Variants in LTBP1 observed in about 807,000 individuals in gnomAD.
LTBP1 encodes the protein latent transforming growth factor beta binding protein 1.
A neutral mutation model predicts 207.6 loss-of-function variants in LTBP1; 129 were observed. That is an observed-to-expected ratio of 0.62 (90% confidence interval 0.54 to 0.72). The LOEUF (loss-of-function observed/expected upper bound fraction) is 0.72, where lower values mean the gene tolerates loss of function less well. Ranked by LOEUF, LTBP1 falls within the 30% of genes least tolerant of loss-of-function variation. The pLI is 0.00. For missense variants in LTBP1, 2,281 were observed against 2,217.2 expected (o/e 1.03, Z -0.58); for synonymous variants, 963 against 833.7 (o/e 1.16, Z -2.67).
chr2:33,034,143 T>C (rs1453617937), intron 3 of LTBP1, among the ~76,000 whole-genome samples: 1 of 151,974 alleles, frequency 6.6e-6, no homozygotes, highest in Non-Finnish European at 1.5e-5. Context: ...AGCAGCGTTC[T>C]GGATTGTTTT....
rs2290426 is a variant in LTBP1, at chr2:33,347,285, A to G, written c.3857-82A>G. The G allele has an allele frequency of 0.014, 21,775 of 1,534,406 alleles. 1,532 individuals are homozygous for G. The East Asian group carries it at 0.22, about 15-fold the overall frequency. ...ATCGCCTTCTTTTCAGCAAGACACT[A>G]TTAGCCCTGGCACAGCTGGTAAAAT... On this transcript the variant is annotated intron_variant, in intron 25 of 33. Transcript: ENST00000404816.
At chr2:33,353,728 GA>G (rs1169850180) in intron 26 of LTBP1, among the ~76,000 whole-genome samples, 2 of 151,778 alleles carry the variant, frequency 1.3e-5, no homozygotes, top group South Asian at 4.1e-4. Flanking sequence ...TAAATTAAAA[GA>G]AAAAAAGAAC....
intron 33 of LTBP1, among the ~76,000 whole-genome samples, chr2:33,397,673 AATT>A (rs2095371853): frequency 1.1e-5 from 1 of 92,238 alleles, no homozygotes; most frequent in African/African-American, 4.2e-5. Flanking sequence ...ACACCCGGCT[AATT>A]TTTTTTTTTT....
intron 19 of LTBP1, among the ~76,000 whole-genome samples, chr2:33,284,018 T>C (rs1328763019): frequency 6.6e-6 from 1 of 152,242 alleles, no homozygotes; most frequent in Non-Finnish European, 1.5e-5. Flanking sequence ...TCTCTTTCTA[T>C]TGAATGACTT....
At chr2:33,299,890 TG>T in intron 20 of LTBP1, among the ~76,000 whole-genome samples, 1 of 152,326 alleles carries the variant, frequency 6.6e-6, no homozygotes, top group East Asian at 1.9e-4. Context: ...CTTTCTCCTT[TG>T]GTATTCAGCA....
chr2:33,268,230 T>C (rs1465007631), intron 15 of LTBP1, among the ~76,000 whole-genome samples: 1 of 152,232 alleles, frequency 6.6e-6, no homozygotes, highest in African/African-American at 2.4e-5. Context: ...CGGTTTCATA[T>C]GGGAGCCAAA....
chr2:33,122,522 C>G (rs2150407868), intron 4 of LTBP1, among the ~76,000 whole-genome samples: 1 of 152,300 alleles, frequency 6.6e-6, no homozygotes, highest in East Asian at 1.9e-4. Context: ...CTTTCCCAAA[C>G]AGGGATGATG....
chr2:33,360,813 T>C (rs758255968), intron 27 of LTBP1, 34 bp downstream of exon 27: 1 of 1,600,390 alleles, frequency 6.2e-7, no homozygotes, highest in South Asian at 1.1e-5. Context: ...GTCACACTTG[T>C]GTTTGGTCAC....
At chr2:33,151,197 T>C (rs2083493719) in intron 5 of LTBP1, among the ~76,000 whole-genome samples, 2 of 152,224 alleles carry the variant, frequency 1.3e-5, no homozygotes, top group Admixed American at 6.5e-5. Context: ...TTGAAAATAA[T>C]GTTGCTATGA....
At chr2:33,004,314 C>T (rs1362569903) in intron 2 of LTBP1, among the ~76,000 whole-genome samples, 3 of 151,990 alleles carry the variant, frequency 2.0e-5, no homozygotes, top group Admixed American at 6.6e-5. Context: ...TAAGCTTTGG[C>T]CACACTTTGG....
At chr2:33,380,599 A>G (rs978808579) in intron 31 of LTBP1, among the ~76,000 whole-genome samples, 1 of 152,166 alleles carries the variant, frequency 6.6e-6, no homozygotes, top group Admixed American at 6.5e-5. Flanking sequence ...TCTGTTTAAA[A>G]TCATAGAATA....
intron 15 of LTBP1, 76 bp downstream of exon 15, chr2:33,263,468 A>T: frequency 9.5e-7 from 1 of 1,057,502 alleles, no homozygotes; most frequent in Non-Finnish European, 1.4e-6. Flanking sequence ...TGTAGTATCC[A>T]TTATATAAGC....
intron 2 of LTBP1, among the ~76,000 whole-genome samples, chr2:32,975,433 G>T (rs1290726350): frequency 1.3e-5 from 2 of 151,970 alleles, no homozygotes; most frequent in African/African-American, 4.8e-5. Flanking sequence ...GTCTAGTGAG[G>T]TTAGGGAAAT....
At chr2:33,059,636 TACAGGGGGTCA>T in intron 3 of LTBP1, among the ~76,000 whole-genome samples, 2 of 152,278 alleles carry the variant, frequency 1.3e-5, no homozygotes, top group South Asian at 4.1e-4. Context: ...GAGGTGGAAA[TACAGGGGGTCA>T]GATTCAGTTA....
intron 7 of LTBP1, among the ~76,000 whole-genome samples, chr2:33,203,904 G>A (rs1035003449): frequency 2.6e-5 from 4 of 152,156 alleles, no homozygotes; most frequent in African/African-American, 7.2e-5. Flanking sequence ...TTTAAGAGAC[G>A]ATGGCTTGAA....
chr2:33,158,152 A>C (rs1490831913), intron 5 of LTBP1, among the ~76,000 whole-genome samples: 4 of 139,886 alleles, frequency 2.9e-5, no homozygotes, highest in Admixed American at 7.0e-5. Flanking sequence ...AAAAAACAAA[A>C]AAAAAAAAAA....
In LTBP1 at chr2:32,947,492, C is replaced by G; in HGVS notation, c.168C>G (p.Val56=). 6.9e-7 allele frequency: 1 copy of G among 1,441,376 alleles called. No homozygotes were observed. 89.3% of individuals were successfully genotyped at this position (1,441,376 alleles called of 1,614,324 possible). Residue 56 remains valine (V), a synonymous_variant, in exon 1 of 34, where the codon GTC becomes GTG. Coordinates refer to ENST00000404816, the MANE Select transcript of LTBP1 (RefSeq NM_206943.4). ...SGPPRSRTFN[V]ALNARYSRSS... Reference sequence around the variant, plus strand: ...CCCCGCGTTCGCGGACATTCAACGTCGCGCTCAACGCCAGGTACAGCCGCA... The same window carrying G: ...CCCCGCGTTCGCGGACATTCAACGTGGCGCTCAACGCCAGGTACAGCCGCA...
Position 33,243,297 on chromosome 2 carries a change from A to C in LTBP1, c.1877-365A>C, listed in dbSNP as rs146219182. Among the ~76,000 whole-genome samples the C allele has an allele frequency of 1.1e-3, 171 of 152,274 alleles. 1 individual carries two copies. The highest frequency in any genetic ancestry group is 1.2e-3 in the Non-Finnish European group (85 of 68,010). ...CACTTCTTAAGTTTTTCAAATATTC[A>C]TATGTATAGTTAGACTGTCAGTGCT... On this transcript the variant is annotated intron_variant, in intron 9 of 33. Coordinates refer to ENST00000404816, the MANE Select transcript of LTBP1 (RefSeq NM_206943.4).
chr2:33,037,667 T>C (rs1311561996), intron 3 of LTBP1, among the ~76,000 whole-genome samples: 1 of 152,090 alleles, frequency 6.6e-6, no homozygotes, highest in Admixed American at 6.5e-5. Context: ...GATTTCTGAT[T>C]GTGAGTATTC....
Sources: gnomAD v4.1 joint callset for allele counts (sites outside exome capture counted in the v4.1 genomes callset) on GRCh38, gnomAD v4.1.1 for gene constraint, MANE v1.5 for transcripts, NCBI Gene and HGNC (gene_info 2026-07-23, HGNC 2026-07-21) for gene names.